M1AP: variants seen among roughly 807,000 people sequenced by gnomAD.
M1AP encodes meiosis 1 associated protein.
A neutral mutation model predicts 51.2 loss-of-function variants in M1AP; 39 were observed. That is an observed-to-expected ratio of 0.76 (90% CI 0.59 to 1.00). The LOEUF (loss-of-function observed/expected upper bound fraction) is 1.00. Ranked by LOEUF, M1AP falls within the 50% of genes least tolerant of loss-of-function variation. The probability of loss-of-function intolerance (pLI) is 0.00; values close to 1 mark genes in which losing one functional copy is unlikely to be tolerated. For missense variants in M1AP, 545 were observed against 641.2 expected, an observed-to-expected ratio of 0.85 and a Z score of 1.62; for synonymous variants, 251 against 249.2, an observed-to-expected ratio of 1.01 and a Z score of -0.07.
rs562137562 is a variant in M1AP, at chr2:74,563,781, A to C, written c.1075-1358T>G. 6.6e-5 allele frequency among the ~76,000 whole-genome samples: 10 copies of C among 152,262 alleles called. No individual in the cohort carries two copies. In the South Asian group the frequency reaches 2.1e-3, roughly 32 times the overall value. On this transcript the variant is annotated intron_variant, in intron 7 of 10. Coordinates refer to ENST00000421985, the MANE Select transcript of M1AP (RefSeq NM_001321739.2). ...AGAGGGTGGCACTTTGCCATGTGCCATGGTGATGGCAGAGGTTAGGGCATG... is the reference window on the plus strand; with the variant it reads ...AGAGGGTGGCACTTTGCCATGTGCCCTGGTGATGGCAGAGGTTAGGGCATG...
chr2:74,622,587 A>G (rs1238777252), intron 2 of M1AP, among the ~76,000 whole-genome samples: 1 of 148,834 alleles, frequency 6.7e-6, no homozygotes, highest in Non-Finnish European at 1.5e-5. Flanking sequence ...TGGCTAATAG[A>G]AAAATTTGTA....
chr2:74,624,263 T>C (rs1682248464), intron 2 of M1AP, among the ~76,000 whole-genome samples: 1 of 152,156 alleles, frequency 6.6e-6, no homozygotes, highest in African/African-American at 2.4e-5. Flanking sequence ...AAATAAGGGA[T>C]AAAAAATTGG....
At chr2:74,563,967 G>A (rs1320742399) in intron 7 of M1AP, among the ~76,000 whole-genome samples, 1 of 152,218 alleles carries the variant, frequency 6.6e-6, no homozygotes, top group Admixed American at 6.5e-5. Flanking sequence ...ATCTCAAACT[G>A]TGTCCTCTTA....
At chr2:74,584,325 G>A (rs1201346061) in intron 4 of M1AP, among the ~76,000 whole-genome samples, 1 of 151,506 alleles carries the variant, frequency 6.6e-6, no homozygotes, top group Non-Finnish European at 1.5e-5. Context: ...CAATGCAACC[G>A]AGGCCAGGCA....
intron 2 of M1AP, chr2:74,628,205 G>A: frequency 4.5e-6 from 1 of 221,022 alleles, no homozygotes; most frequent in Non-Finnish European, 1.0e-5. Context: ...TAGTTTTTAA[G>A]TGGAAAAACA....
At chr2:74,617,791 C>T (rs1221772069) in intron 2 of M1AP, among the ~76,000 whole-genome samples, 1 of 152,118 alleles carries the variant, frequency 6.6e-6, no homozygotes, top group Non-Finnish European at 1.5e-5. Flanking sequence ...TTTCTATTAT[C>T]GAAGGTTCAG....
At chr2:74,560,108 G>A (rs756633492) in intron 9 of M1AP, 43 bp downstream of exon 9, 4 of 1,603,082 alleles carry the variant, frequency 2.5e-6, no homozygotes, top group African/African-American at 1.3e-5. Flanking sequence ...ATGAAGGGGA[G>A]GGAGGGGAAG....
At chr2:74,577,296 T>C (rs1246919209) in intron 5 of M1AP, among the ~76,000 whole-genome samples, 2 of 152,216 alleles carry the variant, frequency 1.3e-5, no homozygotes, top group African/African-American at 4.8e-5. Flanking sequence ...TTAGGCTAGG[T>C]AGGAGTTACT....
At position 74,558,843 on chromosome 2, in the gene M1AP, G is replaced by C. The variant is rs752994618; in HGVS notation, c.1466C>G (p.Ala489Gly). Residue 489 changes from alanine (A) to glycine (G), a missense_variant, in exon 11 of 11, where the codon GCT becomes GGT. Coordinates refer to ENST00000421985, the MANE Select transcript of M1AP (RefSeq NM_001321739.2). ...TGQLQTNRAR[A>G]TVAPLPMTPV... ...AGTCATAGGCAGGGGGGCCACAGTA[G>C]CTCGAGCTCGGTTGGTCTGCAACTG... 1 of 1,602,130 alleles carries C rather than the reference G, an allele frequency of 6.2e-7. No individual in the cohort carries two copies. Among genetic ancestry groups the C allele is most frequent in the East Asian group, 2.3e-5 (1 of 44,044 alleles).
chr2:74,580,493 G>C (rs755325873), intron 5 of M1AP, among the ~76,000 whole-genome samples: 3 of 152,294 alleles, frequency 2.0e-5, no homozygotes, highest in Non-Finnish European at 2.9e-5. Flanking sequence ...AGGTTGAAAT[G>C]GGGGAGAGAG....
intron 3 of M1AP, among the ~76,000 whole-genome samples, chr2:74,611,648 C>G (rs945327184): frequency 5.9e-5 from 9 of 151,758 alleles, no homozygotes; most frequent in Non-Finnish European, 1.0e-4. Flanking sequence ...GCCTGACCAA[C>G]ATGGAGAAAC....
chr2:74,647,462 AC>A, intron 1 of M1AP: 1 of 886,912 alleles, frequency 1.1e-6, no homozygotes, highest in Non-Finnish European at 1.4e-6. Context: ...GTCTTCGTGG[AC>A]CCCTTCCTCC....
At chr2:74,565,980 C>T (rs1278817643) in intron 7 of M1AP, among the ~76,000 whole-genome samples, 1 of 152,168 alleles carries the variant, frequency 6.6e-6, no homozygotes, top group Non-Finnish European at 1.5e-5. Flanking sequence ...CACAGCTAAC[C>T]TCATATGTAG....
intron 4 of M1AP, among the ~76,000 whole-genome samples, chr2:74,605,168 G>GT (rs1214303153): frequency 2.0e-5 from 3 of 152,118 alleles, no homozygotes; most frequent in Non-Finnish European, 2.9e-5. Flanking sequence ...TTTTTGGAGA[G>GT]TTTTTTGGCA....
At chr2:74,642,110 G>A (rs991784458) in intron 1 of M1AP, among the ~76,000 whole-genome samples, 13 of 152,110 alleles carry the variant, frequency 8.5e-5, no homozygotes, top group African/African-American at 1.7e-4. Context: ...GATTACAGGC[G>A]TGAGCCACGG....
chr2:74,626,317 T>C (rs914089374), intron 2 of M1AP, among the ~76,000 whole-genome samples: 10 of 149,022 alleles, frequency 6.7e-5, no homozygotes. Flanking sequence ...TAGAATGCAG[T>C]AGTGATGCAA....
At chr2:74,572,417 C>T (rs1300588495) in intron 7 of M1AP, among the ~76,000 whole-genome samples, 1 of 152,154 alleles carries the variant, frequency 6.6e-6, no homozygotes, top group Admixed American at 6.5e-5. Flanking sequence ...AACTCCTGGG[C>T]TCAGGCAAGC....
intron 2 of M1AP, among the ~76,000 whole-genome samples, chr2:74,639,362 G>A (rs1683163970): frequency 6.6e-6 from 1 of 152,222 alleles, no homozygotes; most frequent in Admixed American, 6.5e-5. Flanking sequence ...CCTCAAGGAA[G>A]GAGATGCATA....
intron 4 of M1AP, among the ~76,000 whole-genome samples, chr2:74,597,339 G>A (rs1304031592): frequency 6.6e-6 from 1 of 152,070 alleles, no homozygotes; most frequent in Non-Finnish European, 1.5e-5. Flanking sequence ...AATGTCAGAG[G>A]GAAATGACTT....
Sources: allele counts gnomAD v4.1 joint callset (sites outside exome capture counted in the v4.1 genomes callset), GRCh38; gene constraint gnomAD v4.1.1; transcripts MANE v1.5; gene names NCBI Gene and HGNC (gene_info 2026-07-23, HGNC 2026-07-21).